The following PDS5A variants were observed in gnomAD, a reference collection of about 807,000 sequenced individuals.
The protein encoded by PDS5A is PDS5 cohesin associated factor A, also known as sister chromatid cohesion protein PDS5 homolog A.
PDS5A carries 42 observed loss-of-function variants against 167.1 expected under a neutral mutation model. That is an observed-to-expected ratio of 0.25 (90% CI 0.20 to 0.33). PDS5A has a LOEUF of 0.33. PDS5A is among the 10% of genes least tolerant of loss of function. The pLI, the probability that PDS5A is intolerant of heterozygous loss-of-function variation, is 1.00. For synonymous variants in PDS5A, 553 were observed against 554.6 expected (o/e 1.00, Z 0.04); for missense variants, 1,033 against 1,605.9 (o/e 0.64, Z 6.10).
chr4:39,843,411 T>G (rs1271347957), intron 30 of PDS5A, among the ~76,000 whole-genome samples: 1 of 152,206 alleles, frequency 6.6e-6, no homozygotes, highest in Non-Finnish European at 1.5e-5. Context: ...ATAGTTTTCC[T>G]AAGGGTTGAA....
At chr4:39,848,409 T>G (rs1717829920) in intron 28 of PDS5A, 1 of 163,748 alleles carries the variant, frequency 6.1e-6, no homozygotes, top group Non-Finnish European at 1.3e-5. Flanking sequence ...TGAATGGTTT[T>G]ATGTGATAAA....
chr4:39,890,105 T>C, intron 17 of PDS5A, 144 bp downstream of exon 17: 1 of 479,238 alleles, frequency 2.1e-6, no homozygotes, highest in Non-Finnish European at 3.6e-6. Context: ...AGGCTTTCCC[T>C]TCAACTTGAA....
At chr4:39,957,263 TG>T (rs1729009202) in intron 2 of PDS5A, among the ~76,000 whole-genome samples, 1 of 151,896 alleles carries the variant, frequency 6.6e-6, no homozygotes, top group Non-Finnish European at 1.5e-5. Flanking sequence ...AGGGCCAGCG[TG>T]GGGGCTCACA....
intron 2 of PDS5A, among the ~76,000 whole-genome samples, chr4:39,932,164 A>T (rs1375583599): frequency 2.0e-5 from 3 of 152,198 alleles, no homozygotes; most frequent in Non-Finnish European, 4.4e-5. Flanking sequence ...AAATGCTGGG[A>T]TTACAGGCAT....
At chr4:39,850,394 G>A (rs1395028444) in intron 26 of PDS5A, among the ~76,000 whole-genome samples, 7 of 152,098 alleles carry the variant, frequency 4.6e-5, no homozygotes, top group African/African-American at 1.4e-4. Flanking sequence ...TGGGGCTGAG[G>A]TGGGAGGATC....
chr4:39,940,974 G>A (rs1303887674), intron 2 of PDS5A, among the ~76,000 whole-genome samples: 1 of 152,216 alleles, frequency 6.6e-6, no homozygotes, highest in Non-Finnish European at 1.5e-5. Flanking sequence ...TCAGCCTAGA[G>A]ATATTAACTG....
chr4:39,909,424 G>A (rs1723704320), intron 10 of PDS5A, among the ~76,000 whole-genome samples: 1 of 152,058 alleles, frequency 6.6e-6, no homozygotes, highest in African/African-American at 2.4e-5. Flanking sequence ...CATGCCCATA[G>A]TTACATTTTA....
At chr4:39,926,231 A>G (rs1325328938) in intron 4 of PDS5A, among the ~76,000 whole-genome samples, 3 of 152,078 alleles carry the variant, frequency 2.0e-5, no homozygotes, top group Non-Finnish European at 4.4e-5. Flanking sequence ...ATAAAAATAA[A>G]AAGATAGAGG....
chr4:39,858,825 A>T (rs1470676234), intron 26 of PDS5A, among the ~76,000 whole-genome samples: 1 of 152,110 alleles, frequency 6.6e-6, no homozygotes, highest in Non-Finnish European at 1.5e-5. Flanking sequence ...GGGTTTCACC[A>T]TGTTGGTCAG....
intron 8 of PDS5A, among the ~76,000 whole-genome samples, chr4:39,915,456 C>A (rs935755276): frequency 1.3e-5 from 2 of 149,944 alleles, no homozygotes; most frequent in African/African-American, 4.9e-5. Flanking sequence ...GCCTTCCAGG[C>A]TCAAGCCATC....
At chr4:39,837,688 C>A (rs768522120) in intron 32 of PDS5A, 168 bp downstream of exon 32, 5 of 496,836 alleles carry the variant, frequency 1.0e-5, no homozygotes, top group Non-Finnish European at 1.7e-5. Flanking sequence ...TGCCTTAAAA[C>A]TGGAAGTTAT....
At chr4:39,919,963 A>G (rs1448184504) in intron 7 of PDS5A, among the ~76,000 whole-genome samples, 2 of 152,028 alleles carry the variant, frequency 1.3e-5, no homozygotes, top group East Asian at 1.9e-4. Flanking sequence ...AGGAAGAAAC[A>G]TTACAGGACT....
chr4:39,908,464 G>A lies in PDS5A; in HGVS notation c.1164C>T (p.Ala388=). The stretch of plus-strand genomic sequence containing the variant: ...CATTTACTAAGGCCAGGTCCCTCTT[G>A]GCAGCTGTTATTATAGTAACAATGA... ...HDVIVTIITA[A]KRDLALVNDQ... is the part of the protein sequence containing the mutation. Residue 388 remains alanine, a synonymous_variant, in exon 11 of 33, where the codon GCC becomes GCT. Coordinates refer to ENST00000303538, the MANE Select transcript of PDS5A (RefSeq NM_001100399.2). The A allele has an allele frequency of 6.2e-7, 1 of 1,607,338 alleles. No individual in the cohort carries two copies. Among genetic ancestry groups the A allele is most frequent in the Non-Finnish European group, 8.5e-7 (1 of 1,174,018 alleles).
intron 11 of PDS5A, among the ~76,000 whole-genome samples, chr4:39,906,539 C>A (rs1026429262): frequency 6.7e-6 from 1 of 150,134 alleles, no homozygotes; most frequent in Non-Finnish European, 1.5e-5. Flanking sequence ...GGAAAGGAGA[C>A]CATAAAAACT....
Position 39,877,122 on chromosome 4 carries a change from T to C in PDS5A, c.2024A>G (p.His675Arg), listed in dbSNP as rs758587223. 11 of 1,602,200 alleles carry C rather than the reference T, an allele frequency of 6.9e-6. No homozygotes were observed. Among genetic ancestry groups the C allele is most frequent in the Non-Finnish European group, 8.5e-7 (1 of 1,172,986 alleles). ...VLSFTHPTSF[H>R]SAETYESLLQ... is the part of the protein sequence containing the mutation. Reference sequence around the variant, plus strand: ...CAAGGACTCATATGTCTCTGCAGAGTGGAACGAGGTAGGATGTGTAAAAGA... The same window carrying C: ...CAAGGACTCATATGTCTCTGCAGAGCGGAACGAGGTAGGATGTGTAAAAGA... Residue 675 changes from histidine to arginine, a missense_variant, in exon 19 of 33, where the codon CAC becomes CGC. Transcript: ENST00000303538.
At chr4:39,842,903 C>CCATATATATATATATA (rs1717157392) in intron 30 of PDS5A, among the ~76,000 whole-genome samples, 1 of 23,986 alleles carries the variant, frequency 4.2e-5, no homozygotes, top group East Asian at 1.1e-3. Context: ...TAAACTTATC[C>CCATATATATATATATA]TATTTTTATA....
chr4:39,931,318 T>A (rs112053648), intron 2 of PDS5A, among the ~76,000 whole-genome samples: 2,227 of 151,992 alleles, frequency 0.015, 59 homozygotes, highest in African/African-American at 0.05. Context: ...GCTAAAAAAA[T>A]TTTTTTTAAT....
rs116445547 is a variant in PDS5A, at chr4:39,912,267, A to G, written c.992+1344T>C. Reference sequence around the variant, plus strand: ...TACAGTTAGCAGTGAGTGTAAAATAATGAGTGTCAGAAACTTATATTGGGT... The same window carrying G: ...TACAGTTAGCAGTGAGTGTAAAATAGTGAGTGTCAGAAACTTATATTGGGT... On this transcript the variant is annotated intron_variant, in intron 9 of 32. Transcript: ENST00000303538. Among the ~76,000 whole-genome samples the G allele has an allele frequency of 4.2e-3, 633 of 152,328 alleles. 4 individuals are homozygous for G. The highest frequency in any genetic ancestry group is 0.015 in the African/African-American group (612 of 41,576).
intron 2 of PDS5A, among the ~76,000 whole-genome samples, chr4:39,962,476 A>G (rs894649260): frequency 2.6e-5 from 4 of 152,182 alleles, no homozygotes; most frequent in Non-Finnish European, 4.4e-5. Flanking sequence ...AGTTGGCTTC[A>G]TTGGAAAACA....
Sources: allele counts gnomAD v4.1 joint callset (sites outside exome capture counted in the v4.1 genomes callset), GRCh38; gene constraint gnomAD v4.1.1; transcripts MANE v1.5; gene names NCBI Gene and HGNC (gene_info 2026-07-23, HGNC 2026-07-21).